The following PHF21B variants were observed in gnomAD, a reference collection of about 807,000 sequenced individuals.
The protein encoded by PHF21B is PHD finger protein 4.
Under a neutral mutation model 62.2 loss-of-function variants are expected in PHF21B, and 22 were observed. That is an observed-to-expected ratio of 0.35 (90% confidence interval 0.25 to 0.51). The LOEUF is 0.51. Among genes scored for constraint, PHF21B ranks in the 20% least tolerant of loss-of-function variants. The probability of loss-of-function intolerance (pLI) is 0.97; values close to 1 mark genes in which losing one functional copy is unlikely to be tolerated. For missense variants in PHF21B, 701 were observed against 707.9 expected (o/e 0.99, Z 0.11); for synonymous variants, 341 against 314.7 (o/e 1.08, Z -0.88).
At chr22:44,906,580 G>A (rs988787421) in intron 5 of PHF21B, among the ~76,000 whole-genome samples, 2 of 152,260 alleles carry the variant, frequency 1.3e-5, no homozygotes, top group Admixed American at 1.3e-4. Context: ...TGGCCCCAGA[G>A]AGGGCTGCAG....
intron 5 of PHF21B, among the ~76,000 whole-genome samples, chr22:44,907,099 G>A (rs80221702): frequency 0.011 from 1,687 of 152,278 alleles, 38 homozygotes; most frequent in African/African-American, 0.039. Flanking sequence ...TGTCCGTGCC[G>A]CAACCTCACC....
intron 1 of PHF21B, 150 bp from the exon 2 acceptor site, chr22:45,008,760 C>T: frequency 8.7e-7 from 1 of 1,148,940 alleles, no homozygotes; most frequent in African/African-American, 1.6e-5. Flanking sequence ...CCTGCACGCG[C>T]GGCGGCCGGG....
chr22:44,979,724 G>C (rs1215136165), intron 2 of PHF21B, among the ~76,000 whole-genome samples: 1 of 152,150 alleles, frequency 6.6e-6, no homozygotes, highest in Non-Finnish European at 1.5e-5. Context: ...ATGGTGTTTG[G>C]GCTTTCAAAA....
intron 2 of PHF21B, among the ~76,000 whole-genome samples, chr22:44,972,891 G>C (rs2072665908): frequency 6.6e-6 from 1 of 152,228 alleles, no homozygotes; most frequent in Non-Finnish European, 1.5e-5. Context: ...GGCCCAAGTA[G>C]GCCAAGGAAG....
chr22:45,005,610 A>ATTC (rs568303646), intron 2 of PHF21B, among the ~76,000 whole-genome samples: 87 of 152,332 alleles, frequency 5.7e-4, no homozygotes, highest in African/African-American at 2.0e-3. Flanking sequence ...ATGAATGAGA[A>ATTC]ATTCATGGTT....
chr22:44,957,822 G>A (rs928531034), intron 2 of PHF21B, among the ~76,000 whole-genome samples: 2 of 151,836 alleles, frequency 1.3e-5, no homozygotes, highest in African/African-American at 2.4e-5. Flanking sequence ...GAAAGGCGAC[G>A]CATGAAATAA....
intron 2 of PHF21B, among the ~76,000 whole-genome samples, chr22:44,983,290 G>T (rs368247888): frequency 1.3e-5 from 2 of 151,854 alleles, no homozygotes; most frequent in Admixed American, 1.3e-4. Flanking sequence ...GACCTAAAAC[G>T]GGAAAGCGAG....
intron 5 of PHF21B, among the ~76,000 whole-genome samples, chr22:44,904,953 T>C (rs1422854132): frequency 6.6e-6 from 1 of 152,238 alleles, no homozygotes; most frequent in East Asian, 1.9e-4. Flanking sequence ...CCGGCACATC[T>C]GTCATTCCGC....
chr22:44,997,041 C>CG (rs1371880880), intron 2 of PHF21B, among the ~76,000 whole-genome samples: 3 of 152,218 alleles, frequency 2.0e-5, no homozygotes, highest in Non-Finnish European at 4.4e-5. Context: ...GTCTCCCCCC[C>CG]GAGTCTCTGA....
chr22:44,901,834 G>A (rs2071164997), intron 5 of PHF21B: 2 of 276,186 alleles, frequency 7.2e-6, no homozygotes, highest in East Asian at 7.5e-5. Context: ...AAAAGGAGGA[G>A]AAGGTTCTTG....
intron 2 of PHF21B, among the ~76,000 whole-genome samples, chr22:44,976,203 C>A (rs1393295760): frequency 6.6e-6 from 1 of 152,208 alleles, no homozygotes; most frequent in African/African-American, 2.4e-5. Context: ...TGACACATAA[C>A]TACATATTCA....
chr22:44,932,520 T>A (rs758592181), intron 2 of PHF21B, among the ~76,000 whole-genome samples: 1 of 152,214 alleles, frequency 6.6e-6, no homozygotes, highest in Non-Finnish European at 1.5e-5. Flanking sequence ...CTGTCCCCAC[T>A]GACCTCCAGA....
Position 45,009,393 on chromosome 22 carries a change from G to A in PHF21B, c.54+103C>T. 1.6e-6 allele frequency: 2 copies of A among 1,231,574 alleles called. No homozygotes were observed. The highest frequency in any genetic ancestry group is 1.5e-5 in the South Asian group (1 of 64,826). 76.3% of individuals were successfully genotyped at this position (1,231,574 alleles called of 1,614,324 possible). On this transcript the variant is annotated intron_variant, in intron 1 of 12. Transcript: ENST00000313237. This position sits in a 1 kb window ranked among gnomAD's most constrained non-coding sequence, Gnocchi z 5.9. Reference sequence around the variant, plus strand: ...CCGCCCCCGGGCAGGCTCCAGCCTGGAAGACCCAGAGACCCGGAAGAGAGG... The same window carrying A: ...CCGCCCCCGGGCAGGCTCCAGCCTGAAAGACCCAGAGACCCGGAAGAGAGG...
chr22:44,938,141 C>T (rs745613478), intron 2 of PHF21B, among the ~76,000 whole-genome samples: 37 of 152,254 alleles, frequency 2.4e-4, no homozygotes, highest in Non-Finnish European at 4.4e-4. Context: ...GTACCTCGAT[C>T]TCGGCTCACT....
chr22:44,901,750 C>A, intron 5 of PHF21B: 1 of 351,010 alleles, frequency 2.8e-6, no homozygotes, highest in South Asian at 5.3e-5. Context: ...GCAGATATTC[C>A]CAATCTGCTA....
chr22:44,983,811 G>A (rs1398092048), intron 2 of PHF21B, among the ~76,000 whole-genome samples: 2 of 152,070 alleles, frequency 1.3e-5, no homozygotes, highest in Non-Finnish European at 2.9e-5. Context: ...GTAGTCCTCT[G>A]AATTATAATA....
chr22:45,000,714 C>T (rs1050849762), intron 2 of PHF21B: 1 of 152,136 alleles, frequency 6.6e-6, no homozygotes, highest in African/African-American at 2.4e-5. Flanking sequence ...TGGTCGTCAA[C>T]CTTTACGGGG....
chr22:44,964,001 T>C (rs938524386), intron 2 of PHF21B, among the ~76,000 whole-genome samples: 1 of 152,200 alleles, frequency 6.6e-6, no homozygotes, highest in Admixed American at 6.5e-5. Context: ...GCCAGCTGTG[T>C]TCCAGCCCTG....
At position 44,956,476 on chromosome 22, in the gene PHF21B, A is replaced by C. The variant is rs116262918; in HGVS notation, c.121-35986T>G. Among the ~76,000 whole-genome samples, 1,434 of 152,324 alleles carry C rather than the reference A, an allele frequency of 9.4e-3. 22 individuals carry two copies. The highest frequency in any genetic ancestry group is 0.032 in the African/African-American group (1,312 of 41,558). ...AAGATGGCTCCAAATTAAATCTAACAGTCAATGAAATCGTCAATATTTAAT... is the reference window on the plus strand; with the variant it reads ...AAGATGGCTCCAAATTAAATCTAACCGTCAATGAAATCGTCAATATTTAAT... On this transcript the variant is annotated intron_variant, in intron 2 of 12. Transcript: ENST00000313237.
Sources: allele counts gnomAD v4.1 joint callset (sites outside exome capture counted in the v4.1 genomes callset), GRCh38; gene constraint gnomAD v4.1.1; non-coding constraint Gnocchi (gnomAD v3.1); transcripts MANE v1.5; gene names NCBI Gene and HGNC (gene_info 2026-07-23, HGNC 2026-07-21).